LRMDA: variants seen among roughly 807,000 people sequenced by gnomAD.
The protein encoded by LRMDA is leucine rich melanocyte differentiation associated, also known as leucine-rich melanocyte differentiation-associated protein.
Under a neutral mutation model 29.8 loss-of-function variants are expected in LRMDA, and 18 were observed. The ratio of observed to expected loss-of-function variants is 0.60; its 90% CI spans 0.42 to 0.90. The LOEUF (loss-of-function observed/expected upper bound fraction) is 0.90. LRMDA is among the 40% of genes least tolerant of loss of function. LRMDA has a pLI of 0.00. For synonymous variants in LRMDA, 125 were observed against 109.4 expected, an observed-to-expected ratio of 1.14 and a Z score of -0.89; for missense variants, 273 against 273.9, an observed-to-expected ratio of 1.00 and a Z score of 0.02.
At chr10:76,308,782 A>G (rs566859980) in intron 5 of LRMDA, among the ~76,000 whole-genome samples, 3 of 152,342 alleles carry the variant, frequency 2.0e-5, no homozygotes, top group African/African-American at 7.2e-5. Flanking sequence ...ACACAGGAAG[A>G]AAAGAAATAT....
intron 2 of LRMDA, among the ~76,000 whole-genome samples, chr10:75,833,912 A>G (rs985848332): frequency 1.7e-4 from 26 of 152,224 alleles, no homozygotes; most frequent in African/African-American, 6.3e-4. Context: ...GGCAGGGCAA[A>G]CTTCTTTAGG....
At chr10:75,528,071 C>A (rs1828698167) in intron 2 of LRMDA, among the ~76,000 whole-genome samples, 1 of 152,040 alleles carries the variant, frequency 6.6e-6, no homozygotes, top group South Asian at 2.1e-4. Flanking sequence ...TAGGTGTGAG[C>A]CACTGCACCT....
In LRMDA at chr10:75,472,061, C is replaced by T. The variant is rs1844733917; in HGVS notation, c.131+33567C>T. On this transcript the variant is annotated intron_variant, in intron 2 of 6. Transcript: ENST00000611255. ...TTTACCCACCAGTTTGATCGTCTTA[C>T]TCCCTAGTCCCAAATCCATTCTCTA... Among the ~76,000 whole-genome samples the T allele has an allele frequency of 2.0e-5, 3 of 152,194 alleles. No individual in the cohort carries two copies. The South Asian group carries it at 6.2e-4, about 31-fold the overall frequency.
intron 2 of LRMDA, among the ~76,000 whole-genome samples, chr10:75,795,016 C>G (rs1282524254): frequency 6.6e-6 from 1 of 151,282 alleles, no homozygotes; most frequent in Non-Finnish European, 1.5e-5. Flanking sequence ...GAGATATTCT[C>G]TATTTCTTTT....
chr10:76,107,191 T>A (rs1849501032), intron 5 of LRMDA, among the ~76,000 whole-genome samples: 1 of 152,182 alleles, frequency 6.6e-6, no homozygotes, highest in Non-Finnish European at 1.5e-5. Context: ...AGATCTCTTT[T>A]CAAGGGAAAT....
chr10:76,136,867 G>A (rs185876095), intron 5 of LRMDA, among the ~76,000 whole-genome samples: 5 of 152,264 alleles, frequency 3.3e-5, no homozygotes, highest in African/African-American at 9.6e-5. Context: ...AAGGAAGCAC[G>A]TCCATGTGGG....
chr10:75,456,732 G>A (rs1233284239), intron 2 of LRMDA, among the ~76,000 whole-genome samples: 2 of 152,194 alleles, frequency 1.3e-5, no homozygotes, highest in Non-Finnish European at 2.9e-5. Flanking sequence ...CTGAAGTGCT[G>A]TGGCACAATC....
At chr10:76,084,380 T>G (rs1420642583) in intron 5 of LRMDA, among the ~76,000 whole-genome samples, 2 of 137,798 alleles carry the variant, frequency 1.5e-5, no homozygotes, top group Non-Finnish European at 1.6e-5. Context: ...TTTTTTTTTT[T>G]TTTTTTTTTT....
chr10:75,923,712 T>C (rs573982656), intron 2 of LRMDA, among the ~76,000 whole-genome samples: 1 of 152,276 alleles, frequency 6.6e-6, no homozygotes, highest in South Asian at 2.1e-4. Context: ...TTGTTCTAAA[T>C]AGGAGAAAAT....
At chr10:76,087,594 T>C (rs1328426195) in intron 5 of LRMDA, among the ~76,000 whole-genome samples, 1 of 152,050 alleles carries the variant, frequency 6.6e-6, no homozygotes, top group Non-Finnish European at 1.5e-5. Flanking sequence ...GAGATGGGAA[T>C]TTAGCCTGGA....
intron 2 of LRMDA, among the ~76,000 whole-genome samples, chr10:75,909,186 T>G (rs1213304878): frequency 2.6e-5 from 4 of 152,196 alleles, no homozygotes; most frequent in Non-Finnish European, 4.4e-5. Flanking sequence ...TACCCTAGTA[T>G]AGTAAGTGCT....
chr10:75,834,222 T>C (rs1017979517), intron 2 of LRMDA, among the ~76,000 whole-genome samples: 2 of 152,218 alleles, frequency 1.3e-5, no homozygotes, highest in African/African-American at 4.8e-5. Context: ...ATTCATTCCA[T>C]GAGACAAAAG....
intron 6 of LRMDA, among the ~76,000 whole-genome samples, chr10:76,541,316 C>CA (rs976289537): frequency 6.6e-6 from 1 of 152,148 alleles, no homozygotes; most frequent in African/African-American, 2.4e-5. Context: ...GCCTAGCCAA[C>CA]ATGCCAAAAC....
At chr10:76,298,293 C>A (rs1840437754) in intron 5 of LRMDA, among the ~76,000 whole-genome samples, 1 of 152,210 alleles carries the variant, frequency 6.6e-6, no homozygotes, top group Non-Finnish European at 1.5e-5. Flanking sequence ...GAGCTGGTAC[C>A]AGCTGCATAT....
Position 76,028,818 on chromosome 10 carries a change from C to CTT in LRMDA, c.132-7173_132-7172dup, listed in dbSNP as rs1237211316. Reference sequence around the variant, plus strand: ...ATATTATGAGAAGCTTATTCAAAGCCTTTTTTTTTTTTTTTTTTGAGCCGA... The same window carrying CTT: ...ATATTATGAGAAGCTTATTCAAAGCCTTTTTTTTTTTTTTTTTTTTGAGCCGA... On this transcript the variant is annotated intron_variant, in intron 2 of 6. Transcript: ENST00000611255. 3.7e-4 allele frequency among the ~76,000 whole-genome samples: 49 copies of CTT among 131,034 alleles called. 1 individual carries two copies. Among genetic ancestry groups the CTT allele is most frequent in the East Asian group, 1.8e-3 (8 of 4,354 alleles). The allele number at this position is 131,034 out of a possible 152,430, so 86.0% of individuals were successfully genotyped here.
intron 6 of LRMDA, among the ~76,000 whole-genome samples, chr10:76,532,610 G>C (rs1843246510): frequency 6.6e-6 from 1 of 152,148 alleles, no homozygotes; most frequent in South Asian, 2.1e-4. Flanking sequence ...CACAGAAAGA[G>C]AAAACAAGGA....
At chr10:76,157,306 A>C (rs1045009933) in intron 5 of LRMDA, among the ~76,000 whole-genome samples, 1 of 152,182 alleles carries the variant, frequency 6.6e-6, no homozygotes, top group African/African-American at 2.4e-5. Context: ...AAATTGAAGA[A>C]TGGCACAGCT....
intron 6 of LRMDA, 127 bp from the exon 7 acceptor site, chr10:76,557,082 G>T: frequency 1.4e-6 from 1 of 727,906 alleles, no homozygotes; most frequent in East Asian, 2.6e-5. Flanking sequence ...CTTCCCTTCT[G>T]GAGCTTCATC....
At chr10:76,297,205 A>G (rs1364566132) in intron 5 of LRMDA, among the ~76,000 whole-genome samples, 2 of 152,256 alleles carry the variant, frequency 1.3e-5, no homozygotes, top group Non-Finnish European at 2.9e-5. Flanking sequence ...CAGCATTACC[A>G]AAGTTCCCAC....
Sources: gnomAD v4.1 joint callset for allele counts (sites outside exome capture counted in the v4.1 genomes callset) on GRCh38, gnomAD v4.1.1 for gene constraint, MANE v1.5 for transcripts, NCBI Gene and HGNC (gene_info 2026-07-23, HGNC 2026-07-21) for gene names.